ITSN2: variants seen among roughly 807,000 people sequenced by gnomAD.
ITSN2 encodes the protein intersectin-2.
Under a neutral mutation model 243.7 loss-of-function variants are expected in ITSN2, and 156 were observed. The observed-to-expected ratio is 0.64, with a 90% confidence interval of 0.56 to 0.73. ITSN2 has a LOEUF of 0.73. Among genes scored for constraint, ITSN2 ranks in the 30% least tolerant of loss-of-function variants. ITSN2 has a pLI of 0.00. For missense variants in ITSN2, 1,801 were observed against 1,996.1 expected, an observed-to-expected ratio of 0.90 and a Z score of 1.86; for synonymous variants, 703 against 699.9, an observed-to-expected ratio of 1.00 and a Z score of -0.07.
In ITSN2 at chr2:24,211,008, C is replaced by G. The variant is rs564635678; in HGVS notation, c.4090-61G>C. ...GCGTCTCTCACCTGCCCACCTGGACCTTCGCAGGACCGCTCCTCCAACCCC... is the reference window on the plus strand; with the variant it reads ...GCGTCTCTCACCTGCCCACCTGGACGTTCGCAGGACCGCTCCTCCAACCCC... On this transcript the variant is annotated intron_variant, in intron 33 of 39. Transcript: ENST00000355123. This position sits in a 1 kb window ranked among gnomAD's most constrained non-coding sequence, Gnocchi z 4.1. 2 of 1,521,578 alleles carry G rather than the reference C, an allele frequency of 1.3e-6. No individual in the cohort carries two copies. Among genetic ancestry groups the G allele is most frequent in the Non-Finnish European group, 1.8e-6 (2 of 1,102,524 alleles). The allele number at this position is 1,521,578 out of a possible 1,614,324, so 94.3% of individuals were successfully genotyped here.
intron 35 of ITSN2, 94 bp downstream of exon 35, chr2:24,209,724 C>T (rs769774962): frequency 2.1e-5 from 21 of 991,474 alleles, no homozygotes; most frequent in African/African-American, 3.2e-5. Context: ...AGGAGGGTCC[C>T]GTAAGGCCAG....
rs1668707372 is a variant in ITSN2, at chr2:24,204,904, T to A, written c.4762+310A>T. On this transcript the variant is annotated intron_variant, in intron 38 of 39. Transcript: ENST00000355123. The surrounding 1 kb of genome is among the most constrained non-coding windows in gnomAD (Gnocchi z 5.1). ...ACAAAGTGCTGTAATCCCAGCACTT[T>A]GGGAGGCCGAGGCGGGCAGATCACT... The A allele has an allele frequency of 2.7e-6, 1 of 376,724 alleles. No individual in the cohort carries two copies. The highest frequency in any genetic ancestry group is 2.0e-5 in the South Asian group (1 of 50,182). The allele number at this position is 376,724 out of a possible 1,614,324, so 23.3% of individuals were successfully genotyped here. A position where few individuals can be genotyped will look rare whatever the true frequency, so the allele number is the denominator to read the frequency against.
chr2:24,222,569 C>G (rs1389289003), intron 29 of ITSN2, among the ~76,000 whole-genome samples: 1 of 151,850 alleles, frequency 6.6e-6, no homozygotes, highest in African/African-American at 2.4e-5. Flanking sequence ...ATTATGTGAT[C>G]CTCTTCATTT....
At chr2:24,334,302 G>A (rs899508945) in intron 1 of ITSN2, among the ~76,000 whole-genome samples, 1 of 152,066 alleles carries the variant, frequency 6.6e-6, no homozygotes, top group South Asian at 2.1e-4. Context: ...CACGTGATCC[G>A]CCCGCCTCGG....
intron 1 of ITSN2, among the ~76,000 whole-genome samples, chr2:24,359,927 G>A (rs527405203): frequency 3.3e-5 from 5 of 152,238 alleles, no homozygotes; most frequent in Admixed American, 2.6e-4. Flanking sequence ...GGTGCCCCCA[G>A]AGCTCTCTTC....
intron 2 of ITSN2, among the ~76,000 whole-genome samples, chr2:24,318,565 C>T (rs1228337641): frequency 1.3e-5 from 2 of 152,230 alleles, no homozygotes; most frequent in African/African-American, 4.8e-5. Context: ...TGGTCACTGA[C>T]TGTAGCTGTC....
At chr2:24,360,086 C>G (rs1688816990) in intron 1 of ITSN2, among the ~76,000 whole-genome samples, 1 of 152,082 alleles carries the variant, frequency 6.6e-6, no homozygotes, top group African/African-American at 2.4e-5. Context: ...TGTCCCGGCC[C>G]GGCAGCAGAG....
At chr2:24,293,911 A>G in intron 14 of ITSN2, 136 bp from the exon 15 acceptor site, 1 of 380,612 alleles carries the variant, frequency 2.6e-6, no homozygotes, top group Non-Finnish European at 4.8e-6. Context: ...AACTGCTTAC[A>G]ACTTATGAAT....
At chr2:24,266,210 T>C (rs1465515775) in intron 20 of ITSN2, among the ~76,000 whole-genome samples, 1 of 152,216 alleles carries the variant, frequency 6.6e-6, no homozygotes, top group Non-Finnish European at 1.5e-5. Flanking sequence ...AAATTAGTAT[T>C]GAAATTTATC....
At chr2:24,356,092 C>T (rs1688418853) in intron 1 of ITSN2, among the ~76,000 whole-genome samples, 1 of 151,708 alleles carries the variant, frequency 6.6e-6, no homozygotes, top group Non-Finnish European at 1.5e-5. Context: ...CCCAGCTACT[C>T]AGGAGGCTGA....
chr2:24,207,280 A>G (rs1263557675), intron 37 of ITSN2, among the ~76,000 whole-genome samples: 1 of 151,776 alleles, frequency 6.6e-6, no homozygotes, highest in African/African-American at 2.4e-5. Context: ...GGGCGATGGG[A>G]AAGTGGCGAG....
At chr2:24,216,977 G>A (rs548122112) in intron 31 of ITSN2, among the ~76,000 whole-genome samples, 3 of 152,044 alleles carry the variant, frequency 2.0e-5, no homozygotes, top group Non-Finnish European at 2.9e-5. Flanking sequence ...CCAGCTACTC[G>A]GGAGGCTGAG....
At chr2:24,294,471 A>AT (rs1464651271) in intron 14 of ITSN2, among the ~76,000 whole-genome samples, 1 of 152,130 alleles carries the variant, frequency 6.6e-6, no homozygotes. Context: ...GACAGAAAAT[A>AT]TTTTTGGCTT....
At chr2:24,285,822 A>T (rs1679426969) in intron 16 of ITSN2, among the ~76,000 whole-genome samples, 2 of 152,240 alleles carry the variant, frequency 1.3e-5, no homozygotes, top group African/African-American at 4.8e-5. Context: ...GAAACAAAAT[A>T]AAAACTGTGT....
chr2:24,334,550 G>T (rs1574350820), intron 1 of ITSN2: 3 of 888,494 alleles, frequency 3.4e-6, no homozygotes, highest in East Asian at 5.4e-5. Flanking sequence ...CTTTCTGTAA[G>T]AAGTGTGGCA....
At chr2:24,318,320 A>AT (rs1268116331) in intron 2 of ITSN2, among the ~76,000 whole-genome samples, 1 of 151,928 alleles carries the variant, frequency 6.6e-6, no homozygotes, top group Non-Finnish European at 1.5e-5. Context: ...TAATTTTTGT[A>AT]TTTTTTGTAG....
chr2:24,320,628 T>C (rs1464897738), intron 2 of ITSN2, among the ~76,000 whole-genome samples: 1 of 150,296 alleles, frequency 6.7e-6, no homozygotes, highest in African/African-American at 2.5e-5. Context: ...GGTAGAAGGA[T>C]TGCTTGAGCC....
intron 29 of ITSN2, 91 bp downstream of exon 29, chr2:24,246,038 G>T: frequency 1.2e-6 from 1 of 856,066 alleles, no homozygotes; most frequent in Non-Finnish European, 1.8e-6. Flanking sequence ...TGAGTGCTGA[G>T]TTTAAGATCT....
intron 17 of ITSN2, among the ~76,000 whole-genome samples, chr2:24,277,725 T>C (rs776596877): frequency 1.3e-5 from 2 of 152,220 alleles, no homozygotes; most frequent in African/African-American, 2.4e-5. Flanking sequence ...AGGTTAATTA[T>C]GGTACAAGGG....
Sources: gnomAD v4.1 joint callset for allele counts (sites outside exome capture counted in the v4.1 genomes callset) on GRCh38, gnomAD v4.1.1 for gene constraint, Gnocchi (gnomAD v3.1) non-coding constraint, MANE v1.5 for transcripts, NCBI Gene and HGNC (gene_info 2026-07-23, HGNC 2026-07-21) for gene names.